Variants in HECTD4 observed in about 807,000 individuals in gnomAD.
HECTD4 encodes the protein probable E3 ubiquitin-protein ligase HECTD4.
Under a neutral mutation model 471.5 loss-of-function variants are expected in HECTD4, and 114 were observed. The ratio of observed to expected loss-of-function variants is 0.24; its 90% CI spans 0.21 to 0.28. HECTD4 has a LOEUF of 0.28. Among genes scored for constraint, HECTD4 ranks in the 10% least tolerant of loss-of-function variants. HECTD4 has a pLI of 1.00. For missense variants in HECTD4, 3,866 were observed against 5,651.5 expected (o/e 0.68, Z 10.13); for synonymous variants, 2,012 against 2,256.0 (o/e 0.89, Z 3.07).
intron 1 of HECTD4, among the ~76,000 whole-genome samples, chr12:112,350,655 T>C (rs2036234306): frequency 6.6e-6 from 1 of 152,234 alleles, no homozygotes; most frequent in African/African-American, 2.4e-5. Flanking sequence ...GAATCAAATA[T>C]CTTTATAGTG....
Position 112,259,165 on chromosome 12 carries a change from T to C in HECTD4, c.2974A>G (p.Met992Val). Residue 992 changes from methionine (M) to valine (V), a missense_variant, in exon 19 of 76, where the codon ATG becomes GTG. Physicochemically the swap from Met to Val is conservative, Grantham distance 21. Coordinates refer to ENST00000682272, the MANE Select transcript of HECTD4 (RefSeq NM_001388303.1). ...LMHPNLQTLIMADALMPQLVQ... is the reference protein window; with the variant it reads ...LMHPNLQTLIVADALMPQLVQ... The stretch of plus-strand genomic sequence containing the variant: ...AGCTGAGGCATCAGGGCATCCGCCA[T>C]GATCAGAGTCTGTAAATTTGGATGC... 1.2e-6 allele frequency: 2 copies of C among 1,613,958 alleles called. No individual in the cohort carries two copies. Among genetic ancestry groups the C allele is most frequent in the Non-Finnish European group, 8.5e-7 (1 of 1,179,872 alleles).
In HECTD4 at chr12:112,239,253, G is replaced by T. The variant is rs1452684056; in HGVS notation, c.5106-17C>A. ...TCTTCGCTCCTGACAAAGGGTCATGGATTACACTAGATAAACGTAACTGAC... is the reference window on the plus strand; with the variant it reads ...TCTTCGCTCCTGACAAAGGGTCATGTATTACACTAGATAAACGTAACTGAC... On this transcript the variant is annotated splice_polypyrimidine_tract_variant and intron_variant, in intron 33 of 75. Transcript: ENST00000682272. This position sits in a 1 kb window ranked among gnomAD's most constrained non-coding sequence, Gnocchi z 4.9. 6.3e-7 allele frequency: 1 copy of T among 1,590,696 alleles called. No individual in the cohort carries two copies. Among genetic ancestry groups the T allele is most frequent in the East Asian group, 2.3e-5 (1 of 44,014 alleles).
intron 7 of HECTD4, among the ~76,000 whole-genome samples, chr12:112,294,819 T>C (rs2034968705): frequency 6.6e-6 from 1 of 152,164 alleles, no homozygotes; most frequent in African/African-American, 2.4e-5. Context: ...TTTTTAAAAG[T>C]TAATTTTTCT....
chr12:112,301,517 TTTA>T (rs1311347887), intron 7 of HECTD4, among the ~76,000 whole-genome samples: 1 of 152,228 alleles, frequency 6.6e-6, no homozygotes, highest in Non-Finnish European at 1.5e-5. Flanking sequence ...TGTCATCCTC[TTTA>T]TTTTCTGTTC....
chr12:112,184,984 G>T lies in HECTD4; in HGVS notation c.9982C>A (p.Arg3328Ser). 1.2e-6 allele frequency: 2 copies of T among 1,612,750 alleles called. No homozygotes were observed. Among genetic ancestry groups the T allele is most frequent in the Non-Finnish European group, 1.7e-6 (2 of 1,179,464 alleles). The stretch of plus-strand genomic sequence containing the variant: ...GAGTCCACGGTGCGGGAAGACTGGC[G>T]CTTGCCCGACGAGGAGGCCTTTTCC... Reference protein sequence around the residue: ...KREKASSSGKRQSSRTVDSDP... With the variant: ...KREKASSSGKSQSSRTVDSDP... The change falls in exon 61 of 76, where the codon CGC becomes AGC. Residue 3328 changes from arginine to serine, a missense_variant. This residue lies in a region of HECTD4 where 57 missense variants were observed against 49.8 expected (regional missense o/e 1.14). Coordinates refer to ENST00000682272, the MANE Select transcript of HECTD4 (RefSeq NM_001388303.1). This position sits in a 1 kb window ranked among gnomAD's most constrained non-coding sequence, Gnocchi z 9.1.
intron 1 of HECTD4, among the ~76,000 whole-genome samples, chr12:112,376,904 G>A (rs938532501): frequency 3.3e-5 from 5 of 152,086 alleles, no homozygotes; most frequent in South Asian, 2.1e-4. Flanking sequence ...CCTGAGGTCC[G>A]GAGTTCAAGA....
chr12:112,273,858 A>C, intron 10 of HECTD4, 63 bp from the exon 11 acceptor site: 262 of 1,567,824 alleles, frequency 1.7e-4, no homozygotes, highest in Non-Finnish European at 2.0e-4. Flanking sequence ...CATATTTCTC[A>C]CAAGCACTGC....
intron 15 of HECTD4, 70 bp downstream of exon 15, chr12:112,265,808 A>C (rs1223869775): frequency 7.6e-6 from 9 of 1,183,198 alleles, no homozygotes; most frequent in Non-Finnish European, 1.1e-5. Context: ...AAAGTTGATC[A>C]AACACATTTA....
In HECTD4 at chr12:112,163,641, C is replaced by T. The variant is rs760968860; in HGVS notation, c.12798G>A (p.Leu4266=). ...GCAGCTGCAGGGGGATGATGGAGCC[C>T]AGGCCGGCCCGCACGGCCGTCACGC... ...VECVTAVRAG[L]GSIIPLQLLT... is the part of the protein sequence containing the mutation. Residue 4266 remains leucine, a synonymous_variant, in exon 74 of 76, where the codon CTG becomes CTA. Coordinates refer to ENST00000682272, the MANE Select transcript of HECTD4 (RefSeq NM_001388303.1). This position sits in a 1 kb window ranked among gnomAD's most constrained non-coding sequence, Gnocchi z 8.2. The T allele has an allele frequency of 2.2e-5, 34 of 1,541,458 alleles. No homozygotes were observed. The highest frequency in any genetic ancestry group is 5.5e-5 in the African/African-American group (4 of 72,678).
intron 20 of HECTD4, 119 bp downstream of exon 20, chr12:112,258,377 G>T: frequency 1.6e-6 from 1 of 644,376 alleles, no homozygotes; most frequent in Non-Finnish European, 2.5e-6. Flanking sequence ...TCATTCTGAA[G>T]TCTTTTTCTT....
At chr12:112,264,059 C>T (rs1020474950) in intron 17 of HECTD4, 25 bp downstream of exon 17, 9 of 1,600,144 alleles carry the variant, frequency 5.6e-6, no homozygotes, top group African/African-American at 2.7e-5. Context: ...TAGAACGCAT[C>T]GTTAAAATAA....
intron 44 of HECTD4, 70 bp downstream of exon 44, chr12:112,226,573 C>G: frequency 1.0e-6 from 1 of 971,328 alleles, no homozygotes; most frequent in Non-Finnish European, 1.6e-6. Flanking sequence ...CTTAACATAC[C>G]ATTATCAAAT....
intron 7 of HECTD4, among the ~76,000 whole-genome samples, chr12:112,284,714 A>G (rs1210060820): frequency 6.6e-6 from 1 of 152,222 alleles, no homozygotes; most frequent in African/African-American, 2.4e-5. Context: ...CCAGTGACCT[A>G]AAACCAAAAC....
At chr12:112,165,673 A>AT (rs1271037417) in intron 72 of HECTD4, among the ~76,000 whole-genome samples, 2 of 152,124 alleles carry the variant, frequency 1.3e-5, no homozygotes, top group East Asian at 1.9e-4. Context: ...ATTTTAAACA[A>AT]TTTTTTTCTA....
chr12:112,229,038 A>G (rs1328786690), intron 41 of HECTD4, among the ~76,000 whole-genome samples: 1 of 152,188 alleles, frequency 6.6e-6, no homozygotes, highest in Non-Finnish European at 1.5e-5. Context: ...GAAACTCGTT[A>G]CTGCTAGGCC....
chr12:112,376,303 G>A (rs1050900020), intron 1 of HECTD4, among the ~76,000 whole-genome samples: 1 of 151,948 alleles, frequency 6.6e-6, no homozygotes, highest in Non-Finnish European at 1.5e-5. Flanking sequence ...CTGGAGCGCA[G>A]TGGCCTGATC....
chr12:112,179,337 T>A lies in HECTD4; in HGVS notation c.11048A>T (p.His3683Leu). The change falls in exon 63 of 76, where the codon CAT becomes CTT. Residue 3683 changes from histidine to leucine, a missense_variant. Physicochemically the swap from His to Leu is moderately conservative, Grantham distance 99. Around this residue, in one of 16 missense-constraint regions of HECTD4, gnomAD observed 715 missense variants for 1,087.6 expected, o/e 0.66. Coordinates refer to ENST00000682272, the MANE Select transcript of HECTD4 (RefSeq NM_001388303.1). This position sits in a 1 kb window ranked among gnomAD's most constrained non-coding sequence, Gnocchi z 4.3. ...VLTEIFKSCA[H>L]SEQTLSLTPA... ...TGTCAGGCTCAGCGTCTGCTCTGAATGGGCACAACTCTTAAATATCTCCGT... is the reference window on the plus strand; with the variant it reads ...TGTCAGGCTCAGCGTCTGCTCTGAAAGGGCACAACTCTTAAATATCTCCGT... The A allele has an allele frequency of 6.2e-7, 1 of 1,613,390 alleles. No individual in the cohort carries two copies. The highest frequency in any genetic ancestry group is 1.1e-5 in the South Asian group (1 of 90,848).
In HECTD4 at chr12:112,190,985, A is replaced by G; in HGVS notation, c.9293-20T>C. 1 of 1,537,608 alleles carries G rather than the reference A, an allele frequency of 6.5e-7. No homozygotes were observed. The highest frequency in any genetic ancestry group is 8.8e-7 in the Non-Finnish European group (1 of 1,139,064). On this transcript the variant is annotated intron_variant, in intron 59 of 75. Transcript: ENST00000682272. ...ACACCCCTGCAAGAAGCACCCAGGA[A>G]GAAAGCAGATGATTGGCAGCACCTG...
chr12:112,352,665 G>A (rs541276128), intron 1 of HECTD4, among the ~76,000 whole-genome samples: 28 of 146,754 alleles, frequency 1.9e-4, no homozygotes, highest in Admixed American at 1.4e-3. Context: ...GAAGTACGGT[G>A]GTGCCATCAC....
Sources: allele counts gnomAD v4.1 joint callset (sites outside exome capture counted in the v4.1 genomes callset), GRCh38; gene constraint gnomAD v4.1.1; regional missense constraint gnomAD v4.1.1; non-coding constraint Gnocchi (gnomAD v3.1); transcripts MANE v1.5; gene names NCBI Gene and HGNC (gene_info 2026-07-23, HGNC 2026-07-21).